MYT1L: variants seen among roughly 807,000 people sequenced by gnomAD.
The protein encoded by MYT1L is myelin transcription factor 1 like, also known as myelin transcription factor 1-like protein.
Under a neutral mutation model 126.7 loss-of-function variants are expected in MYT1L, and 12 were observed. The ratio of observed to expected loss-of-function variants is 0.09; its 90% CI spans 0.06 to 0.15. MYT1L has a LOEUF of 0.15. Ranked by LOEUF, MYT1L falls within the 10% of genes least tolerant of loss-of-function variation. The probability of loss-of-function intolerance (pLI) is 1.00; values close to 1 mark genes in which losing one functional copy is unlikely to be tolerated. For synonymous variants in MYT1L, 541 were observed against 604.2 expected, an observed-to-expected ratio of 0.90 and a Z score of 1.53; for missense variants, 979 against 1,585.2, an observed-to-expected ratio of 0.62 and a Z score of 6.49.
chr2:2,302,772 G>A, intron 1 of MYT1L, among the ~76,000 whole-genome samples: 1 of 152,120 alleles, frequency 6.6e-6, no homozygotes, highest in East Asian at 1.9e-4. Flanking sequence ...TAATTAGATT[G>A]TAGACGTGGT....
At chr2:2,327,375 ACTTAG>A (rs2096255574) in intron 1 of MYT1L, among the ~76,000 whole-genome samples, 1 of 152,198 alleles carries the variant, frequency 6.6e-6, no homozygotes, top group Admixed American at 6.5e-5. Context: ...GTATGATGAA[ACTTAG>A]CTTGGTGAAA....
rs567356963 is a variant in MYT1L at position 2,023,534 on chromosome 2, C to G, written c.-157-26187G>C. Reference sequence around the variant, plus strand: ...GTGCCTAATATCCAGTGGGTGTGGACGGGAAGCTCCCAGCACGGGCTCCTG... The same window carrying G: ...GTGCCTAATATCCAGTGGGTGTGGAGGGGAAGCTCCCAGCACGGGCTCCTG... On this transcript the variant is annotated intron_variant, in intron 4 of 24. Transcript: ENST00000647738. Among the ~76,000 whole-genome samples, 3 of 152,148 alleles carry G rather than the reference C, an allele frequency of 2.0e-5. No homozygotes were observed. In the South Asian group the frequency reaches 6.2e-4, roughly 32 times the overall value.
intron 2 of MYT1L, among the ~76,000 whole-genome samples, chr2:2,278,247 G>A (rs943944632): frequency 1.2e-4 from 18 of 152,152 alleles, no homozygotes; most frequent in African/African-American, 3.6e-4. Context: ...GATTCCAAGA[G>A]GTCCAGGCTA....
chr2:1,844,009 G>A (rs1421666754), intron 19 of MYT1L, among the ~76,000 whole-genome samples: 1 of 152,204 alleles, frequency 6.6e-6, no homozygotes, highest in African/African-American at 2.4e-5. Context: ...AGCCATGTCT[G>A]TTGGTGAGAA....
intron 2 of MYT1L, among the ~76,000 whole-genome samples, chr2:2,196,477 C>A (rs772903900): frequency 6.6e-6 from 1 of 151,386 alleles, no homozygotes; most frequent in Non-Finnish European, 1.5e-5. Context: ...ACAATAATAT[C>A]TTATAATTTA....
At chr2:2,184,323 T>G (rs1292579560) in intron 2 of MYT1L, among the ~76,000 whole-genome samples, 13 of 152,140 alleles carry the variant, frequency 8.5e-5, no homozygotes, top group Admixed American at 8.5e-4. Context: ...AAGTAGAAAG[T>G]AAACACAAGA....
At chr2:2,140,349 A>G (rs1290952148) in intron 3 of MYT1L, among the ~76,000 whole-genome samples, 4 of 152,088 alleles carry the variant, frequency 2.6e-5, no homozygotes, top group Non-Finnish European at 5.9e-5. Context: ...AAGCTGTTTA[A>G]CAGTGCACTT....
intron 4 of MYT1L, among the ~76,000 whole-genome samples, chr2:2,049,725 A>C (rs556082041): frequency 5.3e-4 from 80 of 152,262 alleles, no homozygotes; most frequent in Admixed American, 3.5e-3. Context: ...GGTAGTGAAT[A>C]AGTCTCATGA....
At chr2:1,962,595 G>T (rs1397690889) in intron 8 of MYT1L, among the ~76,000 whole-genome samples, 1 of 152,166 alleles carries the variant, frequency 6.6e-6, no homozygotes, top group Non-Finnish European at 1.5e-5. Flanking sequence ...GTAGCACATG[G>T]TGCTATTTGA....
intron 4 of MYT1L, among the ~76,000 whole-genome samples, chr2:2,014,052 T>C (rs1177785120): frequency 6.6e-6 from 1 of 152,206 alleles, no homozygotes; most frequent in Non-Finnish European, 1.5e-5. Context: ...GCCTAGTAAA[T>C]AACAACTAAC....
chr2:2,014,258 G>A (rs1209188785), intron 4 of MYT1L, among the ~76,000 whole-genome samples: 3 of 149,692 alleles, frequency 2.0e-5, no homozygotes, highest in Non-Finnish European at 4.4e-5. Flanking sequence ...GTGGCAAATT[G>A]GGGATTTAAT....
At chr2:1,998,496 G>A (rs1203578361) in intron 4 of MYT1L, among the ~76,000 whole-genome samples, 1 of 152,124 alleles carries the variant, frequency 6.6e-6, no homozygotes, top group African/African-American at 2.4e-5. Flanking sequence ...CTGACCATTA[G>A]GGACTGAGCC....
chr2:1,937,609 T>C (rs4853753), intron 9 of MYT1L, among the ~76,000 whole-genome samples: 31,870 of 145,740 alleles, frequency 0.22, 3,421 homozygotes, highest in East Asian at 0.32. Context: ...AAGGCCCTAA[T>C]GTCCACAGCC....
intron 21 of MYT1L, among the ~76,000 whole-genome samples, chr2:1,818,111 G>T (rs992433909): frequency 3.3e-5 from 5 of 152,218 alleles, no homozygotes; most frequent in African/African-American, 1.2e-4. Flanking sequence ...ACATCAGCTA[G>T]AAGGGCCTTT....
intron 3 of MYT1L, among the ~76,000 whole-genome samples, chr2:2,099,219 C>A (rs1464424499): frequency 6.6e-6 from 1 of 152,118 alleles, no homozygotes. Flanking sequence ...ATGGCTGACA[C>A]ATGTACTGAT....
At chr2:2,060,027 G>A (rs1017261775) in intron 3 of MYT1L, among the ~76,000 whole-genome samples, 1 of 152,236 alleles carries the variant, frequency 6.6e-6, no homozygotes. Context: ...CATAGAGCAT[G>A]TGTGGAACTG....
intron 3 of MYT1L, among the ~76,000 whole-genome samples, chr2:2,095,978 G>A (rs1027455738): frequency 6.6e-6 from 1 of 152,144 alleles, no homozygotes; most frequent in East Asian, 2.0e-4. Flanking sequence ...ACACGCGTGG[G>A]ATGTTCATGG....
intron 10 of MYT1L, among the ~76,000 whole-genome samples, chr2:1,918,804 A>C (rs926837924): frequency 1.3e-5 from 2 of 152,190 alleles, no homozygotes; most frequent in Admixed American, 1.3e-4. Flanking sequence ...ACAAATCTAA[A>C]ATTATGTGGT....
intron 2 of MYT1L, among the ~76,000 whole-genome samples, chr2:2,214,257 TTATCTATCTATCTATCTATC>T (rs61708071): frequency 5.4e-5 from 8 of 147,328 alleles, no homozygotes; most frequent in Admixed American, 3.4e-4. Flanking sequence ...ATGAGACAAA[TTATCTATCTATCTATCTATC>T]TATCTATCTA....
Sources: gnomAD v4.1 joint callset for allele counts (sites outside exome capture counted in the v4.1 genomes callset) on GRCh38, gnomAD v4.1.1 for gene constraint, MANE v1.5 for transcripts, NCBI Gene and HGNC (gene_info 2026-07-23, HGNC 2026-07-21) for gene names.